Variants in COCH observed in about 807,000 individuals in gnomAD.
COCH encodes coagulation factor C homolog, cochlin (Limulus polyphemus).
COCH carries 40 observed loss-of-function variants against 54.8 expected under a neutral mutation model. The ratio of observed to expected loss-of-function variants is 0.73; its 90% CI spans 0.57 to 0.95. COCH has a LOEUF of 0.95. Ranked by LOEUF, COCH falls within the 40% of genes least tolerant of loss-of-function variation. COCH has a pLI of 0.00. For synonymous variants in COCH, 256 were observed against 237.9 expected (o/e 1.08, Z -0.70); for missense variants, 605 against 675.0 (o/e 0.90, Z 1.15).
chr14:30,895,326 T>A, downstream of COCH: 1 of 1,383,340 alleles, frequency 7.2e-7, no homozygotes, highest in Non-Finnish European at 9.7e-7. Context: ...ACATGTAGTG[T>A]CATATCAGTA....
At chr14:30,876,262 A>G (rs1895353789) in intron 3 of COCH, 1 of 152,220 alleles carries the variant, frequency 6.6e-6, no homozygotes. Context: ...ATGTTGTATT[A>G]TGTTATCTTG....
chr14:30,884,475 CTG>C, intron 8 of COCH, 76 bp from the exon 9 acceptor site: 1 of 961,640 alleles, frequency 1.0e-6, no homozygotes, highest in East Asian at 2.5e-5. Flanking sequence ...GGTTTTAAAA[CTG>C]TTTTTTAAGG....
rs1280503393 is a variant in COCH at position 30,878,959 on chromosome 14, T to G, written c.373+15T>G. 3 of 1,613,574 alleles carry G rather than the reference T, an allele frequency of 1.9e-6. No homozygotes were observed. The highest frequency in any genetic ancestry group is 2.5e-6 in the Non-Finnish European group (3 of 1,179,990). On this transcript the variant is annotated intron_variant, in intron 5 of 11. Transcript: ENST00000396618. The stretch of plus-strand genomic sequence containing the variant: ...CACAGTAACTAGTAGGTATAATTAT[T>G]GTTCTCATTCTGTAATATTCTCCCA...
intron 11 of COCH, among the ~76,000 whole-genome samples, chr14:30,887,201 C>T (rs907249153): frequency 4.0e-5 from 6 of 151,818 alleles, no homozygotes; most frequent in African/African-American, 9.7e-5. Flanking sequence ...CAAGACCAGC[C>T]GGGCCAACAT....
In COCH at chr14:30,878,958, T is replaced by A. The variant is rs560386160; in HGVS notation, c.373+14T>A. 1.9e-6 allele frequency: 3 copies of A among 1,613,558 alleles called. No homozygotes were observed. The highest frequency in any genetic ancestry group is 2.5e-6 in the Non-Finnish European group (3 of 1,179,992). On this transcript the variant is annotated intron_variant, in intron 5 of 11. Transcript: ENST00000396618. ...TCACAGTAACTAGTAGGTATAATTATTGTTCTCATTCTGTAATATTCTCCC... is the reference window on the plus strand; with the variant it reads ...TCACAGTAACTAGTAGGTATAATTAATGTTCTCATTCTGTAATATTCTCCC...
At chr14:30,885,013 C>T (rs771325295) in intron 9 of COCH, 24 of 1,598,174 alleles carry the variant, frequency 1.5e-5, no homozygotes, top group Middle Eastern at 1.6e-4. Flanking sequence ...GTAGCACTAC[C>T]GTTGACTCTG....
At chr14:30,875,153 C>G in intron 3 of COCH, 50 bp downstream of exon 3, 1 of 1,543,130 alleles carries the variant, frequency 6.5e-7, no homozygotes, top group Non-Finnish European at 8.7e-7. Flanking sequence ...GGCTGAGCAC[C>G]AGCGGGTACA....
downstream of COCH, among the ~76,000 whole-genome samples, chr14:30,892,308 A>G (rs1896001619): frequency 6.6e-6 from 1 of 152,176 alleles, no homozygotes; most frequent in African/African-American, 2.4e-5. Context: ...AAATACGTCA[A>G]TGTTTATGCA....
chr14:30,895,387 G>A, downstream of COCH: 11 of 1,579,544 alleles, frequency 7.0e-6, no homozygotes, highest in Non-Finnish European at 9.5e-6. Context: ...AGCAAATCTT[G>A]TTACGATGCA....
Position 30,877,397 on chromosome 14 carries a change from CA to C in COCH, c.83-173del. On this transcript the variant is annotated intron_variant, in intron 3 of 11. Transcript: ENST00000396618. The surrounding 1 kb of genome is among the most constrained non-coding windows in gnomAD (Gnocchi z 8.6). ...CTGGGGACTATATTAAATTGGAAAA[CA>C]ACCTTGTGGCTTGCCAAAATCTGGA... 1.4e-6 allele frequency: 1 copy of C among 722,310 alleles called. No individual in the cohort carries two copies. The highest frequency in any genetic ancestry group is 1.9e-5 in the South Asian group (1 of 53,554). 44.7% of individuals were successfully genotyped at this position (722,310 alleles called of 1,614,324 possible).
chr14:30,882,756 G>A (rs1895659132), intron 8 of COCH, among the ~76,000 whole-genome samples: 1 of 152,106 alleles, frequency 6.6e-6, no homozygotes, highest in African/African-American at 2.4e-5. Flanking sequence ...ATGCACAGTG[G>A]CTCATGCCTG....
chr14:30,875,940 G>A (rs1041315250), intron 3 of COCH: 1 of 152,094 alleles, frequency 6.6e-6, no homozygotes, highest in African/African-American at 2.4e-5. Context: ...TAGGGGTAAG[G>A]ATTTTAACCT....
chr14:30,875,450 GA>G, intron 3 of COCH: 1 of 585,406 alleles, frequency 1.7e-6, no homozygotes. Context: ...CCTCACCGAG[GA>G]GCGCACCAGT....
Position 30,875,056 on chromosome 14 carries a change from G to A in COCH, c.35G>A (p.Gly12Asp), listed in dbSNP as rs1213767677. 6.2e-6 allele frequency: 10 copies of A among 1,609,744 alleles called. No homozygotes were observed. Among genetic ancestry groups the A allele is most frequent in the Non-Finnish European group, 7.6e-6 (9 of 1,178,680 alleles). ...SAAWIPALGL[G>D]VCLLLLPGPA... ...AGCCCTCACGCTTCTCTCTTCGCAGGTGTGTGTCTGCTGCTGCTGCCGGGG... is the reference window on the plus strand; with the variant it reads ...AGCCCTCACGCTTCTCTCTTCGCAGATGTGTGTCTGCTGCTGCTGCCGGGG... The change falls in exon 3 of 12, where the codon GGT becomes GAT. Residue 12 changes from glycine to aspartate, a missense_variant and splice_region_variant. By Grantham distance (94) the Gly-to-Asp change is moderately conservative. Transcript: ENST00000396618.
chr14:30,880,238 G>T (rs1895522547), intron 6 of COCH, among the ~76,000 whole-genome samples: 1 of 152,090 alleles, frequency 6.6e-6, no homozygotes, highest in African/African-American at 2.4e-5. Context: ...TTAAAGTCCT[G>T]GATTAGGGCA....
intron 11 of COCH, among the ~76,000 whole-genome samples, chr14:30,888,848 C>A (rs1013889558): frequency 9.3e-5 from 14 of 151,318 alleles, no homozygotes; most frequent in Non-Finnish European, 2.1e-4. Flanking sequence ...TGGGGTGAAT[C>A]CAACTAATGT....
Position 30,889,992 on chromosome 14 carries a change from T to G in COCH, c.*201T>G. 2 of 1,301,180 alleles carry G rather than the reference T, an allele frequency of 1.5e-6. No homozygotes were observed. The highest frequency in any genetic ancestry group is 2.0e-6 in the Non-Finnish European group (2 of 1,022,794). 80.6% of individuals were successfully genotyped at this position (1,301,180 alleles called of 1,614,324 possible). On this transcript the variant is annotated 3_prime_UTR_variant, in exon 12 of 12. Transcript: ENST00000396618. Reference sequence around the variant, plus strand: ...TTACAGTGTACTTTGTTAAAAACACTGCTGAGGCTTCATAATCATGGCTCT... The same window carrying G: ...TTACAGTGTACTTTGTTAAAAACACGGCTGAGGCTTCATAATCATGGCTCT...
downstream of COCH, chr14:30,890,623 GCTTA>G (rs1328477949): frequency 1.0e-6 from 1 of 964,584 alleles, no homozygotes; most frequent in Middle Eastern, 5.3e-4. Flanking sequence ...TTGTAAGCTG[GCTTA>G]CTTTTATTAC....
At chr14:30,884,891 C>G in intron 9 of COCH, 3 of 1,580,258 alleles carry the variant, frequency 1.9e-6, no homozygotes, top group Non-Finnish European at 2.6e-6. Flanking sequence ...TTAGAATTCT[C>G]ATACATTGGA....
Sources: allele counts gnomAD v4.1 joint callset (sites outside exome capture counted in the v4.1 genomes callset), GRCh38; gene constraint gnomAD v4.1.1; non-coding constraint Gnocchi (gnomAD v3.1); transcripts MANE v1.5; gene names NCBI Gene and HGNC (gene_info 2026-07-23, HGNC 2026-07-21).